The following SLC22A8 variants were observed in gnomAD, a reference collection of about 807,000 sequenced individuals.
SLC22A8 encodes the protein organic anion transporter 3.
Under a neutral mutation model 48.4 loss-of-function variants are expected in SLC22A8, and 40 were observed. The ratio of observed to expected loss-of-function variants is 0.83; its 90% CI spans 0.64 to 1.08. The LOEUF is 1.08. Ranked by LOEUF, SLC22A8 falls within the 50% of genes least tolerant of loss-of-function variation. The pLI is 0.00. For synonymous variants in SLC22A8, 268 were observed against 286.3 expected (o/e 0.94, Z 0.65); for missense variants, 606 against 699.0 (o/e 0.87, Z 1.50).
intron 9 of SLC22A8, 56 bp from the exon 10 acceptor site, chr11:62,993,683 G>A (rs947054456): frequency 8.8e-6 from 14 of 1,595,398 alleles, no homozygotes; most frequent in Non-Finnish European, 1.1e-5. Flanking sequence ...ATAAAGGATG[G>A]CTCCCCTGGG....
intron 2 of SLC22A8, among the ~76,000 whole-genome samples, chr11:63,002,437 G>A (rs1030793201): frequency 2.0e-5 from 3 of 152,050 alleles, no homozygotes; most frequent in Non-Finnish European, 4.4e-5. Flanking sequence ...ATTCTTGACT[G>A]TAGCCATCAT....
In SLC22A8 at chr11:63,014,659, G is replaced by A; in HGVS notation, c.300C>T (p.Val100=). The change falls in exon 2 of 11, where the codon GTC becomes GTT. Residue 100 remains valine, a synonymous_variant. Transcript: ENST00000336232. ...RAMEPCLDGW[V]YNSTKDSIVT... ...CAATGGAGTCCTTGGTGCTGTTGTA[G>A]ACCCAGCCATCCAGGCATGGCTCCA... is the stretch of plus-strand genomic sequence containing the variant. 1 of 1,609,552 alleles carries A rather than the reference G, an allele frequency of 6.2e-7. No individual in the cohort carries two copies.
At chr11:63,014,390 G>C (rs554206181) in intron 2 of SLC22A8, among the ~76,000 whole-genome samples, 2 of 152,186 alleles carry the variant, frequency 1.3e-5, no homozygotes, top group East Asian at 3.8e-4. Context: ...CTCTGTGCCC[G>C]TCACAGAACA....
chr11:62,997,144 G>GAA (rs2086431106), intron 5 of SLC22A8, among the ~76,000 whole-genome samples: 1 of 152,236 alleles, frequency 6.6e-6, no homozygotes, highest in Non-Finnish European at 1.5e-5. Context: ...CTTACAGTTA[G>GAA]TGAGCCTTCC....
chr11:63,013,535 C>T (rs1041976894), intron 2 of SLC22A8, among the ~76,000 whole-genome samples: 4 of 152,170 alleles, frequency 2.6e-5, no homozygotes, highest in African/African-American at 9.7e-5. Flanking sequence ...TGCTCAGACG[C>T]CACCTCCTCC....
chr11:63,001,796 C>T (rs984332905), intron 2 of SLC22A8, among the ~76,000 whole-genome samples: 2 of 152,190 alleles, frequency 1.3e-5, no homozygotes, highest in Admixed American at 6.5e-5. Context: ...ATTCAGTGGT[C>T]CCACTTGAGA....
At position 62,993,814 on chromosome 11, in the gene SLC22A8, G is replaced by T. The variant is rs1317118596; in HGVS notation, c.1281C>A (p.Ser427Arg). 6.2e-7 allele frequency: 1 copy of T among 1,613,950 alleles called. No individual in the cohort carries two copies. Among genetic ancestry groups the T allele is most frequent in the South Asian group, 1.1e-5 (1 of 91,084 alleles). Residue 427 changes from serine (S) to arginine (R), a missense_variant, in exon 9 of 11, where the codon AGC becomes AGA. Ser to Arg is a moderately radical substitution (Grantham distance 110, BLOSUM62 -1). Transcript: ENST00000336232. Reference sequence around the variant, plus strand: ...ATTCACTTGTGTAGAGGAAGAGGCAGCTGAAGGAGCTGGATAGGCATCCCT... The same window carrying T: ...ATTCACTTGTGTAGAGGAAGAGGCATCTGAAGGAGCTGGATAGGCATCCCT... ...FGKGCLSSSF[S>R]CLFLYTSELY...
rs2086416974 is a variant in SLC22A8 at position 62,996,107 on chromosome 11, G to C, written c.807C>G (p.Ser269=). 1.9e-6 allele frequency: 3 copies of C among 1,613,558 alleles called. No homozygotes were observed. In the South Asian group the frequency reaches 3.3e-5, roughly 18 times the overall value. ...SIRWLVLSGK[S]SKALKILRRV... ...GCCGGAGTATCTTCAGGGCCTTCGA[G>C]GACTTTCCAGACAAGACCAACCAGC... The change falls in exon 6 of 11, where the codon TCC becomes TCG. Residue 269 remains serine (S), a synonymous_variant. Coordinates refer to ENST00000336232, the MANE Select transcript of SLC22A8 (RefSeq NM_004254.4).
At chr11:62,999,914 G>A (rs1298707233) in intron 3 of SLC22A8, 72 bp from the exon 4 acceptor site, 4 of 1,313,740 alleles carry the variant, frequency 3.0e-6, no homozygotes, top group Non-Finnish European at 2.0e-6. Flanking sequence ...TCTGCATGCT[G>A]TGGGGCAAAG....
At chr11:63,010,220 C>G (rs778025895) in intron 2 of SLC22A8, among the ~76,000 whole-genome samples, 1 of 152,074 alleles carries the variant, frequency 6.6e-6, no homozygotes, top group Non-Finnish European at 1.5e-5. Flanking sequence ...ATGAGGAATC[C>G]GAGACTTCTA....
intron 2 of SLC22A8, among the ~76,000 whole-genome samples, chr11:63,006,131 T>G (rs1590697608): frequency 8.9e-6 from 1 of 111,804 alleles, no homozygotes; most frequent in South Asian, 3.2e-4. Flanking sequence ...TAAGAAAACT[T>G]AGGCTAGATG....
chr11:63,003,792 G>T (rs1399671171), intron 2 of SLC22A8, among the ~76,000 whole-genome samples: 1 of 152,120 alleles, frequency 6.6e-6, no homozygotes, highest in Admixed American at 6.5e-5. Flanking sequence ...CCCTCCTGTT[G>T]GTGGGAATGG....
intron 8 of SLC22A8, 161 bp downstream of exon 8, chr11:62,994,381 C>G: frequency 1.6e-6 from 1 of 619,548 alleles, no homozygotes; most frequent in Non-Finnish European, 2.8e-6. Flanking sequence ...GTCATCTAGC[C>G]CAATTGCGTT....
chr11:62,993,340 G>C lies in SLC22A8; in HGVS notation c.1530-4C>G, dbSNP rs948889866. 2.5e-6 allele frequency: 4 copies of C among 1,613,860 alleles called. No homozygotes were observed. In the African/African-American group the frequency reaches 5.3e-5, roughly 22 times the overall value. On this transcript the variant is annotated splice_region_variant and splice_polypyrimidine_tract_variant and intron_variant, in intron 10 of 10. Coordinates refer to ENST00000336232, the MANE Select transcript of SLC22A8 (RefSeq NM_004254.4). ...TGGCTTCTTTGCCCGCAGGGACCTAGGGACAGAGAGCTAAGGAAAAGCCCT... is the reference window on the plus strand; with the variant it reads ...TGGCTTCTTTGCCCGCAGGGACCTACGGACAGAGAGCTAAGGAAAAGCCCT...
At chr11:63,007,618 C>T (rs542247025) in intron 2 of SLC22A8, among the ~76,000 whole-genome samples, 1 of 152,308 alleles carries the variant, frequency 6.6e-6, no homozygotes, top group South Asian at 2.1e-4. Flanking sequence ...TAAGCCACTG[C>T]GCCTGGCCTA....
rs1034562729 is a variant in SLC22A8, at chr11:63,012,908, G to A, written c.333+1718C>T. Among the ~76,000 whole-genome samples, 12 of 152,270 alleles carry A rather than the reference G, an allele frequency of 7.9e-5. No individual in the cohort carries two copies. The South Asian group carries it at 2.3e-3, about 29-fold the overall frequency. On this transcript the variant is annotated intron_variant, in intron 2 of 10. Coordinates refer to ENST00000336232, the MANE Select transcript of SLC22A8 (RefSeq NM_004254.4). The stretch of plus-strand genomic sequence containing the variant: ...TTTCAGGCATTATGCTTGGTGCTGG[G>A]GGGAGAAAGTAGCAAACATGACAGG...
At chr11:62,994,887 T>C in intron 7 of SLC22A8, 131 bp from the exon 8 acceptor site, 1 of 706,268 alleles carries the variant, frequency 1.4e-6, no homozygotes, top group Non-Finnish European at 2.5e-6. Flanking sequence ...TAGGGGCTGC[T>C]TGAGTGTCCT....
In SLC22A8 at chr11:63,000,777, G is replaced by T. The variant is rs2086484365; in HGVS notation, c.380C>A (p.Ser127Tyr). 1 of 1,614,002 alleles carries T rather than the reference G, an allele frequency of 6.2e-7. No individual in the cohort carries two copies. The highest frequency in any genetic ancestry group is 1.7e-5 in the Admixed American group (1 of 60,010). Reference protein sequence around the residue: ...NSNKLKEMAQSIFMAGILIGG... With the variant: ...NSNKLKEMAQYIFMAGILIGG... ...AATCAGTATACCTGCCATGAAGATA[G>T]ACTGGGCCATCTCCTTCAGTTTGTT... The change falls in exon 3 of 11, where the codon TCT (serine) becomes TAT (tyrosine). Residue 127 changes from serine (S) to tyrosine (Y), a missense_variant. Coordinates refer to ENST00000336232, the MANE Select transcript of SLC22A8 (RefSeq NM_004254.4).
chr11:62,995,485 T>C, intron 7 of SLC22A8: 1 of 562,026 alleles, frequency 1.8e-6, no homozygotes, highest in Non-Finnish European at 3.2e-6. Context: ...GGGTGGGGCA[T>C]TGTGACCCCA....
Sources: gnomAD v4.1 joint callset for allele counts (sites outside exome capture counted in the v4.1 genomes callset) on GRCh38, gnomAD v4.1.1 for gene constraint, MANE v1.5 for transcripts, NCBI Gene and HGNC (gene_info 2026-07-23, HGNC 2026-07-21) for gene names.